CD1A: variants seen among roughly 807,000 people sequenced by gnomAD.
The protein encoded by CD1A is CD1a molecule.
CD1A carries 50 observed loss-of-function variants against 38.3 expected under a neutral mutation model. That is an observed-to-expected ratio of 1.30 (90% CI 1.04 to 1.65). The LOEUF (loss-of-function observed/expected upper bound fraction) is 1.65. CD1A is among the 40% of genes most tolerant of loss of function. CD1A has a pLI of 0.00. For missense variants in CD1A, 459 were observed against 406.1 expected, an observed-to-expected ratio of 1.13 and a Z score of -1.12; for synonymous variants, 160 against 150.8, an observed-to-expected ratio of 1.06 and a Z score of -0.45.
upstream of CD1A, among the ~76,000 whole-genome samples, chr1:158,252,595 A>G (rs1349742790): frequency 6.6e-6 from 1 of 152,222 alleles, no homozygotes; most frequent in Admixed American, 6.5e-5. Flanking sequence ...AAGTATGAAA[A>G]TGAAGCTCTT....
upstream of CD1A, among the ~76,000 whole-genome samples, chr1:158,250,857 T>C (rs1558064203): frequency 6.6e-6 from 1 of 152,180 alleles, no homozygotes; most frequent in Non-Finnish European, 1.5e-5. Flanking sequence ...AGGATTACAG[T>C]CCCTATATCT....
chr1:158,248,394 C>T, the CD1A span: 7 of 985,128 alleles, frequency 7.1e-6, no homozygotes, highest in Middle Eastern at 5.2e-4. Flanking sequence ...GCCATGTTTG[C>T]GTTTGGAGGA....
Position 158,255,254 on chromosome 1 carries a change from A to C in CD1A, c.229A>C (p.Asn77His), listed in dbSNP as rs762395400. Residue 77 changes from asparagine (N) to histidine (H), a missense_variant, in exon 2 of 6, where the codon AAT (asparagine) becomes CAT (histidine). Physicochemically the swap from Asn to His is moderately conservative, Grantham distance 68 (BLOSUM62 1). Coordinates refer to ENST00000289429, the MANE Select transcript of CD1A (RefSeq NM_001763.3). ...LCPWSRGNFS[N>H]EEWKELETLF... ...CCCCTGGTCCAGGGGAAACTTCAGC[A>C]ATGAGGAGTGGAAGGAACTGGAAAC... The C allele has an allele frequency of 3.1e-6, 5 of 1,614,108 alleles. No individual in the cohort carries two copies. The Admixed American group carries it at 8.3e-5, about 27-fold the overall frequency.
Position 158,254,795 on chromosome 1 carries a change from G to C in CD1A, c.58+68G>C, listed in dbSNP as rs112199642. 2,678 of 338,002 alleles carry C rather than the reference G, an allele frequency of 7.9e-3. 19 individuals carry two copies. Among genetic ancestry groups the C allele is most frequent in the African/African-American group, 0.065 (1,020 of 15,632 alleles). The allele number at this position is 338,002 out of a possible 1,614,324, so 20.9% of individuals were successfully genotyped here. ...TCTCTCTCTCTCTCTCTGTGTGTGT[G>C]TGTGTGTGTGTGTGTGTGTGTGTGT... On this transcript the variant is annotated intron_variant, in intron 1 of 5. Transcript: ENST00000289429.
Position 158,255,335 on chromosome 1 carries a change from G to T in CD1A, c.310G>T (p.Glu104Ter). The change falls in exon 2 of 6, where the codon GAA (glutamate) becomes TAA (stop). Residue 104 changes from glutamate to a stop codon, truncating the protein, a stop_gained. Transcript: ENST00000289429. LOFTEE classifies it high-confidence loss of function. ...TGAGGGAATTCGTAGATACGCCCATGAATTGCAGTTTGAATGTGAGTTCAG... is the reference window on the plus strand; with the variant it reads ...TGAGGGAATTCGTAGATACGCCCATTAATTGCAGTTTGAATGTGAGTTCAG... ...SFEGIRRYAHELQFEYPFEIQ... is the reference protein window; with the variant it reads ...SFEGIRRYAH 1 of 1,613,872 alleles carries T rather than the reference G, an allele frequency of 6.2e-7. No homozygotes were observed. The highest frequency in any genetic ancestry group is 8.5e-7 in the Non-Finnish European group (1 of 1,179,790).
rs1317872455 is a variant in CD1A, at chr1:158,256,113, CAAT to C, written c.436_438del (p.Asn146del). On this transcript the variant is annotated inframe_deletion, in exon 3 of 6. Coordinates refer to ENST00000289429, the MANE Select transcript of CD1A (RefSeq NM_001763.3). ...GATCAGACTTTGTGAGCTTCCAGAA[CAAT>C]TCATGGTTGCCATATCCAGTGGCTG... 4.3e-6 allele frequency: 7 copies of C among 1,614,046 alleles called. No individual in the cohort carries two copies. Among genetic ancestry groups the C allele is most frequent in the Non-Finnish European group, 5.9e-6 (7 of 1,180,034 alleles).
chr1:158,255,023 T>C, intron 1 of CD1A, 61 bp from the exon 2 acceptor site: 1 of 1,555,160 alleles, frequency 6.4e-7, no homozygotes, highest in South Asian at 1.2e-5. Flanking sequence ...TCTGGCACCT[T>C]TCTCTCTCCA....
At chr1:158,249,990 ATGTCGTCCTGATC>A (rs1422602082), upstream of CD1A, among the ~76,000 whole-genome samples, 1 of 152,212 alleles carries the variant, frequency 6.6e-6, no homozygotes, top group Non-Finnish European at 1.5e-5. Context: ...GTGGGAAAGC[ATGTCGTCCTGATC>A]TGTCTCAAAA....
chr1:158,254,136 A>G, upstream of CD1A: 1 of 956,962 alleles, frequency 1.0e-6, no homozygotes, highest in Non-Finnish European at 1.2e-6. Context: ...ACTGTCGCAC[A>G]GGGCAGTCGT....
chr1:158,256,349 C>A (rs1650257700), intron 3 of CD1A, 67 bp downstream of exon 3: 5 of 1,473,690 alleles, frequency 3.4e-6, no homozygotes, highest in South Asian at 1.3e-5. Flanking sequence ...CACCTCCTTC[C>A]AATTTAGAAT....
Position 158,255,313 on chromosome 1 carries a change from G to A in CD1A, c.288G>A (p.Glu96=). The A allele has an allele frequency of 2.5e-6, 4 of 1,614,174 alleles. No individual in the cohort carries two copies. The highest frequency in any genetic ancestry group is 3.4e-6 in the Non-Finnish European group (4 of 1,180,016). The change falls in exon 2 of 6, where the codon GAG becomes GAA. Residue 96 remains glutamate, a synonymous_variant. Transcript: ENST00000289429. The part of the protein sequence containing the change: ...LFRIRTIRSF[E]GIRRYAHELQ... ...GTATACGCACCATTCGGTCATTTGA[G>A]GGAATTCGTAGATACGCCCATGAAT...
chr1:158,256,811 T>G lies in CD1A; in HGVS notation c.630T>G (p.His210Gln), dbSNP rs1650271469. The change falls in exon 4 of 6, where the codon CAT becomes CAG. Residue 210 changes from histidine (H) to glutamine (Q), a missense_variant. Physicochemically the swap from His to Gln is conservative, Grantham distance 24 (BLOSUM62 0). Coordinates refer to ENST00000289429, the MANE Select transcript of CD1A (RefSeq NM_001763.3). ...RQVKPEAWLSHGPSPGPGHLQ... is the reference protein window; with the variant it reads ...RQVKPEAWLSQGPSPGPGHLQ... ...TGAAGCCCGAGGCCTGGCTGTCCCA[T>G]GGCCCCAGTCCTGGCCCTGGCCATC... is the stretch of plus-strand genomic sequence containing the variant. 1 of 1,614,104 alleles carries G rather than the reference T, an allele frequency of 6.2e-7. No homozygotes were observed. The highest frequency in any genetic ancestry group is 1.3e-5 in the African/African-American group (1 of 74,942).
At chr1:158,257,339 C>T (rs1380000124) in intron 4 of CD1A, 82 bp from the exon 5 acceptor site, 2 of 1,104,258 alleles carry the variant, frequency 1.8e-6, no homozygotes, top group African/African-American at 1.6e-5. Context: ...AAAAAGAAGC[C>T]CAGGGAATGC....
At chr1:158,254,031 GTTTTTTTTTTTTTTTTTTTTTTTTT>G (rs760814976), upstream of CD1A, 30 of 53,700 alleles carry the variant, frequency 5.6e-4, no homozygotes, top group East Asian at 1.9e-3. Flanking sequence ...TGTTCCTGTG[GTTTTTTTTTTTTTTTTTTTTTTTTT>G]TTTTTTTTTT....
Position 158,257,054 on chromosome 1 carries a change from C to T in CD1A, c.873C>T (p.Val291=). The change falls in exon 4 of 6, where the codon GTC becomes GTT. Residue 291 remains valine (V), a synonymous_variant. Coordinates refer to ENST00000289429, the MANE Select transcript of CD1A (RefSeq NM_001763.3). ...KHSSLEGQDI[V]LYWEHHSSVG... The stretch of plus-strand genomic sequence containing the variant: ...GCAGTCTAGAGGGCCAGGACATCGT[C>T]CTCTACTGGGGTGAGAAAAAGCTAA... 1.2e-6 allele frequency: 2 copies of T among 1,610,338 alleles called. No homozygotes were observed. Among genetic ancestry groups the T allele is most frequent in the Non-Finnish European group, 1.7e-6 (2 of 1,177,218 alleles).
the CD1A span, among the ~76,000 whole-genome samples, chr1:158,249,071 A>G: frequency 2.6e-5 from 4 of 151,988 alleles, no homozygotes; most frequent in African/African-American, 7.3e-5. Flanking sequence ...GGTGTTTCTG[A>G]TCAGCTCATA....
At chr1:158,254,274 G>A (rs1650167470), upstream of CD1A, 2 of 1,086,918 alleles carry the variant, frequency 1.8e-6, no homozygotes, top group East Asian at 8.1e-5. Context: ...AAAAAGAGCA[G>A]GGACATGGGA....
At chr1:158,252,132 GTT>G (rs200001606), upstream of CD1A, among the ~76,000 whole-genome samples, 1 of 145,244 alleles carries the variant, frequency 6.9e-6, no homozygotes. Context: ...CCCGGCCACG[GTT>G]TTTTTTTTTT....
At chr1:158,249,086 T>A in the CD1A span, among the ~76,000 whole-genome samples, 1 of 152,220 alleles carries the variant, frequency 6.6e-6, no homozygotes, top group Admixed American at 6.5e-5. Context: ...CTCATAAAAC[T>A]TTGGTCCCAG....
Sources: allele counts gnomAD v4.1 joint callset (sites outside exome capture counted in the v4.1 genomes callset), GRCh38; gene constraint gnomAD v4.1.1; transcripts MANE v1.5; gene names NCBI Gene and HGNC (gene_info 2026-07-23, HGNC 2026-07-21).